The following UNC13B variants were observed in gnomAD, a reference collection of about 807,000 sequenced individuals.
UNC13B encodes the protein protein unc-13 homolog B.
A neutral mutation model predicts 211.0 loss-of-function variants in UNC13B; 144 were observed. The ratio of observed to expected loss-of-function variants is 0.68; its 90% CI spans 0.60 to 0.78. UNC13B has a LOEUF of 0.78. Ranked by LOEUF, UNC13B falls within the 30% of genes least tolerant of loss-of-function variation. The pLI is 0.00. For synonymous variants in UNC13B, 709 were observed against 725.8 expected (o/e 0.98, Z 0.37); for missense variants, 1,777 against 2,002.0 (o/e 0.89, Z 2.14).
chr9:35,182,995 T>C (rs1822029914), intron 1 of UNC13B, among the ~76,000 whole-genome samples: 1 of 152,208 alleles, frequency 6.6e-6, no homozygotes, highest in Non-Finnish European at 1.5e-5. Context: ...TCTTCAGAGC[T>C]GTTGGGTACA....
At position 35,377,606 on chromosome 9, in the gene UNC13B, A is replaced by G. The variant is rs376261047; in HGVS notation, c.9974A>G (p.Asn3325Ser). 2.5e-6 allele frequency: 4 copies of G among 1,614,102 alleles called. No homozygotes were observed. The highest frequency in any genetic ancestry group is 3.4e-6 in the Non-Finnish European group (4 of 1,180,050). The change falls in exon 16 of 40, where the codon AAC becomes AGC. Residue 3325 changes from asparagine to serine, a missense_variant. Asn to Ser is a conservative substitution (Grantham distance 46, BLOSUM62 1). Coordinates refer to ENST00000635942, the MANE Select transcript of UNC13B (RefSeq NM_001371189.2). Reference protein sequence around the residue: ...FEVIRDVFTVNKAAHVQQMKT... With the variant: ...FEVIRDVFTVSKAAHVQQMKT... ...GTTATCCGGGACGTCTTCACAGTGA[A>G]CAAAGCTGCCCATGTGCAGCAGATG...
chr9:35,270,124 A>G (rs559884303), intron 7 of UNC13B, among the ~76,000 whole-genome samples: 55 of 152,244 alleles, frequency 3.6e-4, no homozygotes, highest in African/African-American at 8.4e-4. Flanking sequence ...CATTTCTCCA[A>G]TGAGGCTGGT....
intron 7 of UNC13B, among the ~76,000 whole-genome samples, chr9:35,276,103 C>G (rs1011945905): frequency 6.6e-6 from 1 of 151,710 alleles, no homozygotes; most frequent in Non-Finnish European, 1.5e-5. Flanking sequence ...CTCAGGAGTT[C>G]GAGACCAGCC....
chr9:35,292,747 C>A (rs1829157874), intron 7 of UNC13B, among the ~76,000 whole-genome samples: 1 of 152,164 alleles, frequency 6.6e-6, no homozygotes, highest in African/African-American at 2.4e-5. Flanking sequence ...GTGTTCCCAG[C>A]CTTTTAATTT....
chr9:35,364,495 T>G (rs1012330896), intron 11 of UNC13B: 2 of 1,533,674 alleles, frequency 1.3e-6, no homozygotes, highest in African/African-American at 2.7e-5. Context: ...CTTATAGGAC[T>G]GACTCTACTA....
chr9:35,228,170 A>G, intron 2 of UNC13B, 126 bp downstream of exon 2: 1 of 902,402 alleles, frequency 1.1e-6, no homozygotes, highest in Non-Finnish European at 1.6e-6. Flanking sequence ...AAATTAATTC[A>G]TGAAATCATT....
chr9:35,365,475 A>C (rs889093622), intron 11 of UNC13B, among the ~76,000 whole-genome samples: 16 of 152,170 alleles, frequency 1.1e-4, no homozygotes, highest in Non-Finnish European at 1.5e-5. Context: ...GGTTTCTGGC[A>C]AATATCTCAC....
intron 11 of UNC13B, among the ~76,000 whole-genome samples, chr9:35,319,202 G>A (rs1280775421): frequency 6.6e-6 from 1 of 151,918 alleles, no homozygotes; most frequent in African/African-American, 2.4e-5. Flanking sequence ...AGGAGTTTGA[G>A]ACCAGCCTGG....
At chr9:35,221,720 C>T (rs1166477803) in intron 1 of UNC13B, among the ~76,000 whole-genome samples, 1 of 152,142 alleles carries the variant, frequency 6.6e-6, no homozygotes, top group South Asian at 2.1e-4. Flanking sequence ...TTTAAGAAAT[C>T]TAACCCAGGG....
rs80168359 is a variant in UNC13B at position 35,336,784 on chromosome 9, T to A, written c.9414+22795T>A. On this transcript the variant is annotated intron_variant, in intron 11 of 39. Coordinates refer to ENST00000635942, the MANE Select transcript of UNC13B (RefSeq NM_001371189.2). Reference sequence around the variant, plus strand: ...CCTTGAGGGTTAGGATTTTAACATATGAATTTTGGAGTGACACAGACGTTC... The same window carrying A: ...CCTTGAGGGTTAGGATTTTAACATAAGAATTTTGGAGTGACACAGACGTTC... 3.9e-5 allele frequency among the ~76,000 whole-genome samples: 6 copies of A among 152,300 alleles called. No individual in the cohort carries two copies. In the South Asian group the frequency reaches 1.0e-3, roughly 26 times the overall value.
At position 35,382,358 on chromosome 9, in the gene UNC13B, C is replaced by A. The variant is rs1834904649; in HGVS notation, c.10657C>A (p.His3553Asn). Reference sequence around the variant, plus strand: ...GGCTGCGGGTGCTGTGTTTTTCAGGCACTTTGCATGTTTATCATCCAAGTA... The same window carrying A: ...GGCTGCGGGTGCTGTGTTTTTCAGGAACTTTGCATGTTTATCATCCAAGTA... ...GIESIYQAMT[H>N]FACLSSKYMC... Residue 3553 changes from histidine to asparagine, a missense_variant and splice_region_variant, in exon 21 of 40, where the codon CAC (histidine) becomes AAC (asparagine). His to Asn is a moderately conservative substitution (Grantham distance 68). Transcript: ENST00000635942. 6.2e-7 allele frequency: 1 copy of A among 1,610,064 alleles called. No individual in the cohort carries two copies.
In UNC13B at chr9:35,381,086, T is replaced by C. The variant is rs76792055; in HGVS notation, c.10376-14T>C. On this transcript the variant is annotated splice_polypyrimidine_tract_variant and intron_variant, in intron 18 of 39. Transcript: ENST00000635942. ...TTGCATTGGTGTCAATCTCCAGTCTTCTTTCCTTCCTAGAGAAGAGGACAG... is the reference window on the plus strand; with the variant it reads ...TTGCATTGGTGTCAATCTCCAGTCTCCTTTCCTTCCTAGAGAAGAGGACAG... 1.8e-3 allele frequency: 2,880 copies of C among 1,611,404 alleles called. 59 individuals are homozygous for C. In the African/African-American group the frequency reaches 0.033, roughly 18 times the overall value.
chr9:35,382,814 TC>T (rs1834947022), intron 21 of UNC13B, among the ~76,000 whole-genome samples: 1 of 152,148 alleles, frequency 6.6e-6, no homozygotes. Flanking sequence ...TCCACTCACC[TC>T]GGCCTCCCAA....
chr9:35,173,214 A>T (rs2131267276), intron 1 of UNC13B, among the ~76,000 whole-genome samples: 1 of 152,304 alleles, frequency 6.6e-6, no homozygotes, highest in African/African-American at 2.4e-5. Flanking sequence ...TAGATTACTT[A>T]CATGAGCCAA....
chr9:35,312,612 T>G (rs934709480), intron 10 of UNC13B, among the ~76,000 whole-genome samples: 2 of 152,228 alleles, frequency 1.3e-5, no homozygotes, highest in Non-Finnish European at 1.5e-5. Context: ...TGGCCAGAAG[T>G]GCCCACAAAT....
intron 7 of UNC13B, among the ~76,000 whole-genome samples, chr9:35,269,399 T>C (rs571341489): frequency 3.3e-5 from 5 of 152,374 alleles, no homozygotes; most frequent in African/African-American, 1.2e-4. Flanking sequence ...TTGGGTGCAC[T>C]ACTCTCCCTG....
chr9:35,283,468 G>T (rs1828621188), intron 7 of UNC13B, among the ~76,000 whole-genome samples: 1 of 151,776 alleles, frequency 6.6e-6, no homozygotes, highest in Non-Finnish European at 1.5e-5. Context: ...AGCCTCACTG[G>T]CCCACTCAAC....
chr9:35,383,860 C>T (rs1168139139), intron 21 of UNC13B, among the ~76,000 whole-genome samples: 2 of 152,020 alleles, frequency 1.3e-5, no homozygotes, highest in Non-Finnish European at 2.9e-5. Context: ...GTCAGGAGAC[C>T]TCAGACTCAA....
In UNC13B at chr9:35,381,619, G is replaced by T; in HGVS notation, c.10555G>T (p.Gly3519Ter). The T allele has an allele frequency of 6.2e-7, 1 of 1,614,244 alleles. No individual in the cohort carries two copies. The highest frequency in any genetic ancestry group is 8.5e-7 in the Non-Finnish European group (1 of 1,180,046). Residue 3519 changes from glycine to a stop codon, truncating the protein, a stop_gained, in exon 20 of 40, where the codon GGA becomes TGA. Coordinates refer to ENST00000635942, the MANE Select transcript of UNC13B (RefSeq NM_001371189.2). LOFTEE classifies it high-confidence loss of function. ...AGGAGTCCGCATCCCTGAAGCTCGA[G>T]GAGACGATGCCTGGAAGGTGTACTT... ...SGGVRIPEARGDDAWKVYFDE... is the reference protein window; with the variant it reads ...SGGVRIPEAR
Sources: allele counts gnomAD v4.1 joint callset (sites outside exome capture counted in the v4.1 genomes callset), GRCh38; gene constraint gnomAD v4.1.1; transcripts MANE v1.5; gene names NCBI Gene and HGNC (gene_info 2026-07-23, HGNC 2026-07-21).